The following SYNE1 variants were observed in gnomAD, a reference collection of about 807,000 sequenced individuals.
SYNE1 encodes the protein spectrin repeat containing nuclear envelope protein 1, also known as nesprin-1.
SYNE1 carries 616 observed loss-of-function variants against 1,111.0 expected under a neutral mutation model. The ratio of observed to expected loss-of-function variants is 0.55; its 90% CI spans 0.52 to 0.59. The LOEUF is 0.59. Ranked by LOEUF, SYNE1 falls within the 20% of genes least tolerant of loss-of-function variation. The pLI is 0.00. For synonymous variants in SYNE1, 3,855 were observed against 3,825.8 expected (o/e 1.01, Z -0.28); for missense variants, 10,006 against 10,417.0 (o/e 0.96, Z 1.72).
At chr6:152,216,796 C>T (rs933187911) in intron 121 of SYNE1, among the ~76,000 whole-genome samples, 9 of 152,210 alleles carry the variant, frequency 5.9e-5, no homozygotes, top group Non-Finnish European at 1.2e-4. Context: ...TGGCTCATGC[C>T]TGTAATCCCA....
chr6:152,266,952 CG>C (rs1406080351), intron 100 of SYNE1, among the ~76,000 whole-genome samples: 1 of 151,778 alleles, frequency 6.6e-6, no homozygotes, highest in Non-Finnish European at 1.5e-5. Flanking sequence ...TTATTATTGA[CG>C]GTCTATTCTA....
At position 152,223,567 on chromosome 6, in the gene SYNE1, G is replaced by A. The variant is rs527637525; in HGVS notation, c.21522+927C>T. 4.0e-3 allele frequency among the ~76,000 whole-genome samples: 602 copies of A among 151,836 alleles called. 3 individuals carry two copies. The highest frequency in any genetic ancestry group is 5.5e-3 in the Non-Finnish European group (377 of 67,944). On this transcript the variant is annotated intron_variant, in intron 117 of 145. Coordinates refer to ENST00000367255, the MANE Select transcript of SYNE1 (RefSeq NM_182961.4). Reference sequence around the variant, plus strand: ...CGGGAGGCGGAGGTTGCAGTGAGCCGAGATAGCACCACTGCACTCCAGTCT... The same window carrying A: ...CGGGAGGCGGAGGTTGCAGTGAGCCAAGATAGCACCACTGCACTCCAGTCT...
chr6:152,381,097 C>A lies in SYNE1; in HGVS notation c.8918G>T (p.Ser2973Ile). The change falls in exon 56 of 146, where the codon AGT (serine) becomes ATT (isoleucine). Residue 2973 changes from serine to isoleucine, a missense_variant. By Grantham distance (142) the Ser-to-Ile change is moderately radical. This residue lies in a region of SYNE1 where 4,955 missense variants were observed against 5,017.2 expected (regional missense o/e 0.99). Transcript: ENST00000367255. Reference protein sequence around the residue: ...AQLEQALEQFSALLKTWAQQL... With the variant: ...AQLEQALEQFIALLKTWAQQL... ...CTGAGCCCAGGTTTTCAGAAGGGCA[C>A]TGAACTGTTCCAGGGCCTGCTCCAG... The A allele has an allele frequency of 6.2e-7, 1 of 1,614,194 alleles. No individual in the cohort carries two copies. The highest frequency in any genetic ancestry group is 8.5e-7 in the Non-Finnish European group (1 of 1,180,032).
chr6:152,224,156 T>C (rs1192074966), intron 117 of SYNE1, among the ~76,000 whole-genome samples: 24 of 152,172 alleles, frequency 1.6e-4, no homozygotes, highest in Admixed American at 1.6e-3. Flanking sequence ...TGTTTGGAGA[T>C]GCAGATAAGA....
chr6:152,509,857 T>C (rs1317292675), intron 8 of SYNE1, among the ~76,000 whole-genome samples: 2 of 152,244 alleles, frequency 1.3e-5, no homozygotes, highest in Admixed American at 6.5e-5. Flanking sequence ...ACTTCAAGTT[T>C]ATTTATATAA....
rs919882726 is a variant in SYNE1, at chr6:152,201,956, T to C, written c.23020-7A>G. On this transcript the variant is annotated splice_region_variant and splice_polypyrimidine_tract_variant and intron_variant, in intron 126 of 145. Coordinates refer to ENST00000367255, the MANE Select transcript of SYNE1 (RefSeq NM_182961.4). ...TCTCACATTTTTCCCAGTCCTATCA[T>C]GGGAATAAAAACAAATAGCATAGAT... The C allele has an allele frequency of 5.1e-5, 83 of 1,613,608 alleles. No homozygotes were observed. Among genetic ancestry groups the C allele is most frequent in the Non-Finnish European group, 6.5e-5 (77 of 1,179,838 alleles).
intron 92 of SYNE1, 56 bp downstream of exon 92, chr6:152,301,813 C>A: frequency 3.9e-6 from 6 of 1,533,364 alleles, no homozygotes; most frequent in Non-Finnish European, 4.4e-6. Context: ...GAACATGGAG[C>A]CACTCGCCAG....
chr6:152,481,643 T>A (rs951616095), intron 14 of SYNE1: 3 of 414,558 alleles, frequency 7.2e-6, no homozygotes, highest in African/African-American at 2.1e-5. Flanking sequence ...GTGTTATATA[T>A]GCTTAGTTGC....
At chr6:152,408,474 A>G (rs1040994775) in intron 44 of SYNE1, among the ~76,000 whole-genome samples, 1 of 152,142 alleles carries the variant, frequency 6.6e-6, no homozygotes, top group Non-Finnish European at 1.5e-5. Flanking sequence ...TTTTATCTAT[A>G]ATTTCATAGT....
chr6:152,528,430 T>C (rs1457674503), intron 4 of SYNE1, among the ~76,000 whole-genome samples: 1 of 152,198 alleles, frequency 6.6e-6, no homozygotes, highest in Non-Finnish European at 1.5e-5. Context: ...TAAGGTATTC[T>C]TTATATATAC....
rs1175969199 is a variant in SYNE1 at position 152,167,887 on chromosome 6, A to C, written c.23628-3562T>G. The C allele has an allele frequency of 5.4e-6, 4 of 736,342 alleles. No homozygotes were observed. In the East Asian group the frequency reaches 8.1e-5, roughly 15 times the overall value. 45.6% of individuals were successfully genotyped at this position (736,342 alleles called of 1,614,324 possible). A position where few individuals can be genotyped will look rare whatever the true frequency, so the allele number is the denominator to read the frequency against. On this transcript the variant is annotated intron_variant, in intron 130 of 145. Transcript: ENST00000367255. ...CAACTGGAATACAGAGTCATAATAA[A>C]GTCCATTAACCTTTTTGTCCAGCTC...
chr6:152,184,418 C>G lies in SYNE1; in HGVS notation c.23302-4124G>C, dbSNP rs372648727. Among the ~76,000 whole-genome samples, 21 of 97,432 alleles carry G rather than the reference C, an allele frequency of 2.2e-4. 2 individuals carry two copies. Among genetic ancestry groups the G allele is most frequent in the Admixed American group, 2.1e-3 (17 of 8,274 alleles). 63.9% of individuals were successfully genotyped at this position (97,432 alleles called of 152,430 possible). On this transcript the variant is annotated intron_variant, in intron 128 of 145. Coordinates refer to ENST00000367255, the MANE Select transcript of SYNE1 (RefSeq NM_182961.4). Reference sequence around the variant, plus strand: ...CACCACTGCACTCCAGCCTGGGCAACAAGGGTGAAACTCTGTTTCAAAAAA... The same window carrying G: ...CACCACTGCACTCCAGCCTGGGCAAGAAGGGTGAAACTCTGTTTCAAAAAA...
At chr6:152,323,864 T>C in intron 81 of SYNE1, 127 bp from the exon 82 acceptor site, 1 of 1,102,436 alleles carries the variant, frequency 9.1e-7, no homozygotes, top group Non-Finnish European at 1.3e-6. Flanking sequence ...TTCCACATGT[T>C]AGGAAACTGG....
At chr6:152,171,756 G>T in intron 130 of SYNE1, among the ~76,000 whole-genome samples, 1 of 152,090 alleles carries the variant, frequency 6.6e-6, no homozygotes, top group East Asian at 1.9e-4. Flanking sequence ...CCTAGAGCAG[G>T]CCACCTGTTT....
Position 152,310,820 on chromosome 6 carries a change from C to T in SYNE1, c.16764G>A (p.Glu5588=), listed in dbSNP as rs1261266102. Residue 5588 remains glutamate (E), a synonymous_variant, in exon 88 of 146, where the codon GAG becomes GAA. Coordinates refer to ENST00000367255, the MANE Select transcript of SYNE1 (RefSeq NM_182961.4). Reference sequence around the variant, plus strand: ...ACACGCTAGTGAGGTACTGTAATTTCTCAGTCATTGCTTCCAGCTCACTGT... The same window carrying T: ...ACACGCTAGTGAGGTACTGTAATTTTTCAGTCATTGCTTCCAGCTCACTGT... The part of the protein sequence containing the change: ...EIDSELEAMT[E]KLQYLTSVYC... The T allele has an allele frequency of 1.2e-6, 2 of 1,613,992 alleles. No individual in the cohort carries two copies. The highest frequency in any genetic ancestry group is 3.3e-5 in the Admixed American group (2 of 59,994).
In SYNE1 at chr6:152,381,166, T is replaced by C; in HGVS notation, c.8849A>G (p.Gln2950Arg). Reference sequence around the variant, plus strand: ...GAATTCCTGCTCCGAAAGGGCCATCTGGCTGACCAGGTTCTCCAAACAGCT... The same window carrying C: ...GAATTCCTGCTCCGAAAGGGCCATCCGGCTGACCAGGTTCTCCAAACAGCT... ...TQSCLENLVS[Q>R]MALSEQEFSG... The change falls in exon 56 of 146, where the codon CAG becomes CGG. Residue 2950 changes from glutamine to arginine, a missense_variant. Around this residue, in one of 7 missense-constraint regions of SYNE1, gnomAD observed 4,955 missense variants for 5,017.2 expected, o/e 0.99. Transcript: ENST00000367255. 1.2e-6 allele frequency: 2 copies of C among 1,614,254 alleles called. No homozygotes were observed. The highest frequency in any genetic ancestry group is 1.7e-6 in the Non-Finnish European group (2 of 1,180,042).
chr6:152,472,337 G>A lies in SYNE1; in HGVS notation c.1427C>T (p.Pro476Leu). The change falls in exon 15 of 146, where the codon CCA (proline) becomes CTA (leucine). Residue 476 changes from proline to leucine, a missense_variant. This residue lies in a region of SYNE1 where 1,971 missense variants were observed against 2,084.1 expected (regional missense o/e 0.95). Coordinates refer to ENST00000367255, the MANE Select transcript of SYNE1 (RefSeq NM_182961.4). ...IYRTRSVNGI[P>L]VPPDQLEDMA... ...GTCCTCTAATTGATCAGGTGGCACT[G>A]GAATCCCGTTAACAGACCTGGTCCG... is the stretch of plus-strand genomic sequence containing the variant. 1.2e-6 allele frequency: 2 copies of A among 1,613,972 alleles called. No individual in the cohort carries two copies. The highest frequency in any genetic ancestry group is 1.3e-5 in the African/African-American group (1 of 75,006).
intron 100 of SYNE1, among the ~76,000 whole-genome samples, chr6:152,263,969 G>A (rs1332718058): frequency 2.0e-5 from 3 of 151,980 alleles, no homozygotes; most frequent in Non-Finnish European, 4.4e-5. Flanking sequence ...AGCACTTTGG[G>A]AGGCCAAGGC....
intron 111 of SYNE1, 114 bp from the exon 112 acceptor site, chr6:152,234,077 G>A: frequency 9.0e-7 from 1 of 1,106,216 alleles, no homozygotes. Context: ...AGGGGGTTAT[G>A]CTGAACACTC....
Sources: gnomAD v4.1 joint callset for allele counts (sites outside exome capture counted in the v4.1 genomes callset) on GRCh38, gnomAD v4.1.1 for gene constraint, gnomAD v4.1.1 regional missense constraint, MANE v1.5 for transcripts, NCBI Gene and HGNC (gene_info 2026-07-23, HGNC 2026-07-21) for gene names.